DNM3: variants seen among roughly 807,000 people sequenced by gnomAD.
DNM3 encodes the protein dynamin 3.
DNM3 carries 47 observed loss-of-function variants against 101.6 expected under a neutral mutation model. The observed-to-expected ratio is 0.46, with a 90% CI of 0.37 to 0.59. DNM3 has a LOEUF of 0.59. Ranked by LOEUF, DNM3 falls within the 20% of genes least tolerant of loss-of-function variation. DNM3 has a pLI of 0.00. For synonymous variants in DNM3, 385 were observed against 387.9 expected, an observed-to-expected ratio of 0.99 and a Z score of 0.09; for missense variants, 849 against 1,085.7, an observed-to-expected ratio of 0.78 and a Z score of 3.06.
intron 14 of DNM3, among the ~76,000 whole-genome samples, chr1:172,247,676 T>C (rs1226616993): frequency 1.3e-5 from 2 of 150,854 alleles, no homozygotes; most frequent in Admixed American, 6.6e-5. Context: ...TATTTATTTA[T>C]TTATTTATTT....
intron 14 of DNM3, among the ~76,000 whole-genome samples, chr1:172,205,185 C>G (rs1174615107): frequency 6.6e-6 from 1 of 152,086 alleles, no homozygotes; most frequent in East Asian, 1.9e-4. Context: ...TAAATTCAAA[C>G]TTTTTATCAG....
In DNM3 at chr1:172,220,300, C is replaced by T. The variant is rs552829171; in HGVS notation, c.1660-33273C>T. Among the ~76,000 whole-genome samples the T allele has an allele frequency of 3.2e-4, 49 of 152,210 alleles. 1 individual carries two copies. Among genetic ancestry groups the T allele is most frequent in the African/African-American group, 1.1e-3 (45 of 41,538 alleles). Reference sequence around the variant, plus strand: ...AGGAGTTTCTTGAAATACCAGCCTTCTGATATAACAGAAATTATGACAGAG... The same window carrying T: ...AGGAGTTTCTTGAAATACCAGCCTTTTGATATAACAGAAATTATGACAGAG... On this transcript the variant is annotated intron_variant, in intron 14 of 20. Transcript: ENST00000627582.
At chr1:171,965,630 G>A (rs1260429704) in intron 2 of DNM3, among the ~76,000 whole-genome samples, 2 of 152,088 alleles carry the variant, frequency 1.3e-5, no homozygotes, top group African/African-American at 4.8e-5. Context: ...TACATGGGGC[G>A]AGGTCCAGAA....
chr1:172,213,450 G>A (rs1320016393), intron 14 of DNM3, among the ~76,000 whole-genome samples: 1 of 135,424 alleles, frequency 7.4e-6, no homozygotes, highest in African/African-American at 2.9e-5. Context: ...ATTATGTGAT[G>A]TATATTTCTG....
intron 1 of DNM3, among the ~76,000 whole-genome samples, chr1:171,907,343 T>C (rs1375715061): frequency 2.0e-5 from 3 of 151,872 alleles, no homozygotes; most frequent in African/African-American, 7.3e-5. Flanking sequence ...AATACAAAAT[T>C]AGCCGGGCAA....
intron 15 of DNM3, among the ~76,000 whole-genome samples, chr1:172,298,125 A>G (rs142733017): frequency 6.6e-6 from 1 of 152,128 alleles, no homozygotes; most frequent in African/African-American, 2.4e-5. Flanking sequence ...TAGTTCTAGG[A>G]AGTCTTTTTT....
chr1:172,064,022 A>C (rs1047015744), intron 10 of DNM3, among the ~76,000 whole-genome samples: 1 of 152,122 alleles, frequency 6.6e-6, no homozygotes, highest in Non-Finnish European at 1.5e-5. Flanking sequence ...ACTCAAGACT[A>C]TGTGGTTTCT....
At chr1:172,126,991 G>T (rs544516057) in intron 13 of DNM3, among the ~76,000 whole-genome samples, 3 of 151,962 alleles carry the variant, frequency 2.0e-5, no homozygotes, top group African/African-American at 7.3e-5. Context: ...ACACAATTAC[G>T]CTGATTGTGT....
intron 13 of DNM3, 87 bp downstream of exon 13, chr1:172,092,962 T>G: frequency 7.8e-7 from 1 of 1,287,082 alleles, no homozygotes; most frequent in Non-Finnish European, 1.1e-6. Flanking sequence ...TAATGCAAAT[T>G]AATCACGTGC....
intron 15 of DNM3, among the ~76,000 whole-genome samples, chr1:172,283,759 CAAAAAAA>C (rs769812358): frequency 2.2e-4 from 9 of 40,300 alleles, no homozygotes; most frequent in Admixed American, 5.7e-4. Flanking sequence ...GACTCCATCT[CAAAAAAA>C]AAAAAAAAAA....
intron 13 of DNM3, among the ~76,000 whole-genome samples, chr1:172,104,278 A>G (rs189142850): frequency 1.3e-4 from 20 of 152,248 alleles, no homozygotes; most frequent in African/African-American, 4.8e-4. Flanking sequence ...TAAACATTTT[A>G]TGGCATTTAT....
At chr1:171,892,229 T>C (rs938889755) in intron 1 of DNM3, among the ~76,000 whole-genome samples, 2 of 152,126 alleles carry the variant, frequency 1.3e-5, no homozygotes, top group African/African-American at 4.8e-5. Flanking sequence ...CACTACAAGA[T>C]GCTCCTGGAT....
At chr1:172,367,459 A>G (rs967387441) in intron 17 of DNM3, among the ~76,000 whole-genome samples, 1 of 151,912 alleles carries the variant, frequency 6.6e-6, no homozygotes, top group African/African-American at 2.4e-5. Context: ...ATTAAGGGAA[A>G]GGAATTTAAT....
chr1:172,300,358 G>A (rs1049125669), intron 15 of DNM3, among the ~76,000 whole-genome samples: 10 of 152,010 alleles, frequency 6.6e-5, no homozygotes, highest in Admixed American at 2.0e-4. Context: ...CCTATTGATA[G>A]TTTCTTTTTT....
At chr1:172,314,961 T>C (rs1230381981) in intron 16 of DNM3, among the ~76,000 whole-genome samples, 3 of 151,920 alleles carry the variant, frequency 2.0e-5, no homozygotes, top group Admixed American at 6.6e-5. Context: ...GACCCCTGAC[T>C]CCCGAGCAGC....
intron 10 of DNM3, among the ~76,000 whole-genome samples, chr1:172,066,794 C>A (rs1396550622): frequency 6.6e-6 from 1 of 152,158 alleles, no homozygotes; most frequent in Non-Finnish European, 1.5e-5. Flanking sequence ...GTAAGTGGAT[C>A]TACCTTCATT....
intron 14 of DNM3, among the ~76,000 whole-genome samples, chr1:172,242,665 A>T (rs974937879): frequency 6.6e-6 from 1 of 151,726 alleles, no homozygotes; most frequent in African/African-American, 2.4e-5. Context: ...CTGGTCTGAA[A>T]CTCTTGGGCT....
At chr1:172,197,000 AG>A (rs2059975295) in intron 14 of DNM3, among the ~76,000 whole-genome samples, 1 of 151,818 alleles carries the variant, frequency 6.6e-6, no homozygotes, top group East Asian at 1.9e-4. Context: ...TGTCCAGGAT[AG>A]CATTGCCTAG....
At chr1:172,074,709 T>C (rs2052496555) in intron 11 of DNM3, among the ~76,000 whole-genome samples, 1 of 152,250 alleles carries the variant, frequency 6.6e-6, no homozygotes, top group African/African-American at 2.4e-5. Flanking sequence ...CTTTATCCAG[T>C]GTATCATTGA....
Sources: allele counts gnomAD v4.1 joint callset (sites outside exome capture counted in the v4.1 genomes callset), GRCh38; gene constraint gnomAD v4.1.1; transcripts MANE v1.5; gene names NCBI Gene and HGNC (gene_info 2026-07-23, HGNC 2026-07-21).